The following INPP5D variants were observed in gnomAD, a reference collection of about 807,000 sequenced individuals.
INPP5D encodes phosphatidylinositol 3,4,5-trisphosphate 5-phosphatase 1.
INPP5D carries 33 observed loss-of-function variants against 122.9 expected under a neutral mutation model. That is an observed-to-expected ratio of 0.27 (90% CI 0.20 to 0.36). The LOEUF (loss-of-function observed/expected upper bound fraction) is 0.36. INPP5D is among the 10% of genes least tolerant of loss of function. INPP5D has a pLI of 1.00. For synonymous variants in INPP5D, 584 were observed against 576.2 expected, an observed-to-expected ratio of 1.01 and a Z score of -0.19; for missense variants, 1,053 against 1,412.7, an observed-to-expected ratio of 0.75 and a Z score of 4.08.
chr2:233,103,554 C>T (rs974848164), intron 2 of INPP5D, among the ~76,000 whole-genome samples: 5 of 152,048 alleles, frequency 3.3e-5, no homozygotes, highest in Admixed American at 6.6e-5. Context: ...AGTCCAGGAG[C>T]GTAGAACTTA....
intron 8 of INPP5D, among the ~76,000 whole-genome samples, chr2:233,146,812 A>G (rs1693772736): frequency 1.3e-5 from 2 of 152,306 alleles, no homozygotes; most frequent in South Asian, 4.1e-4. Flanking sequence ...TGTGATTTCC[A>G]TGAGAATGAC....
intron 3 of INPP5D, among the ~76,000 whole-genome samples, chr2:233,123,496 G>T (rs894491524): frequency 6.6e-6 from 1 of 151,824 alleles, no homozygotes; most frequent in African/African-American, 2.4e-5. Flanking sequence ...AAGTGTGTGA[G>T]ACTAAGGGTG....
At position 233,177,845 on chromosome 2, in the gene INPP5D, G is replaced by A. The variant is rs1196819118; in HGVS notation, c.2071+499G>A. On this transcript the variant is annotated intron_variant, in intron 18 of 26. Transcript: ENST00000445964. This position sits in a 1 kb window ranked among gnomAD's most constrained non-coding sequence, Gnocchi z 4.2. The stretch of plus-strand genomic sequence containing the variant: ...CCACCTCGGCCTCCCAAAGTGCTGA[G>A]ATTACAGGCATGAGCCACCGCGGCC... Among the ~76,000 whole-genome samples, 1 of 152,158 alleles carries A rather than the reference G, an allele frequency of 6.6e-6. No homozygotes were observed. The highest frequency in any genetic ancestry group is 1.9e-4 in the East Asian group (1 of 5,188).
At chr2:233,062,012 C>T (rs1691090185) in intron 1 of INPP5D, among the ~76,000 whole-genome samples, 1 of 152,246 alleles carries the variant, frequency 6.6e-6, no homozygotes, top group Admixed American at 6.5e-5. Flanking sequence ...TCCCCTCTCT[C>T]ATGCCTCAGG....
At chr2:233,094,508 AT>A (rs1692077354) in intron 2 of INPP5D, among the ~76,000 whole-genome samples, 1 of 118,316 alleles carries the variant, frequency 8.5e-6, no homozygotes, top group Non-Finnish European at 1.7e-5. Context: ...GCAAGACTCC[AT>A]CCCAAAAAAA....
chr2:233,083,598 G>A (rs1304756625), intron 2 of INPP5D, among the ~76,000 whole-genome samples: 3 of 152,142 alleles, frequency 2.0e-5, no homozygotes, highest in African/African-American at 7.2e-5. Flanking sequence ...TTCTTGACTT[G>A]GAAAGGGAAG....
intron 2 of INPP5D, among the ~76,000 whole-genome samples, chr2:233,111,365 C>CAT (rs1488630539): frequency 6.6e-6 from 1 of 152,138 alleles, no homozygotes; most frequent in African/African-American, 2.4e-5. Flanking sequence ...CACACACACA[C>CAT]GCACACACAC....
intron 1 of INPP5D, among the ~76,000 whole-genome samples, chr2:233,065,925 G>T (rs990352685): frequency 6.6e-6 from 1 of 151,060 alleles, no homozygotes; most frequent in East Asian, 1.9e-4. Flanking sequence ...GATTACAGGT[G>T]TGAGCCACCG....
At chr2:233,065,623 CTTTCTTTCTTTCTTTCTTTCTTTCTTTCT>C (rs1409795696) in intron 1 of INPP5D, among the ~76,000 whole-genome samples, 120 of 7,408 alleles carry the variant, frequency 0.016, 41 homozygotes, top group African/African-American at 0.094. Context: ...TTCTTTCTTT[CTTTCTTTCTTTCTTTCTTTCTTTCTTTCT>C]TTTTTTTTTT....
chr2:233,122,387 T>A lies in INPP5D; in HGVS notation c.349+130T>A, dbSNP rs180913766. The stretch of plus-strand genomic sequence containing the variant: ...GTTGGCGTGGGGGTTAAGGACAAGT[T>A]AGGAACACAGGCTCTCTGGTCAGGC... On this transcript the variant is annotated intron_variant, in intron 3 of 26. Coordinates refer to ENST00000445964, the MANE Select transcript of INPP5D (RefSeq NM_001017915.3). 7.8e-4 allele frequency: 753 copies of A among 961,606 alleles called. 3 individuals are homozygous for A. The highest frequency in any genetic ancestry group is 4.8e-3 in the East Asian group (179 of 37,632). 59.6% of individuals were successfully genotyped at this position (961,606 alleles called of 1,614,324 possible). A position where few individuals can be genotyped will look rare whatever the true frequency, so the allele number is the denominator to read the frequency against.
chr2:233,162,226 GGAGAGAGACAGA>G (rs1559327053), intron 11 of INPP5D, among the ~76,000 whole-genome samples: 1 of 69,634 alleles, frequency 1.4e-5, no homozygotes, highest in Non-Finnish European at 5.4e-5. Context: ...AGATTTATCA[GGAGAGAGACAGA>G]GAGAGACAGA....
intron 19 of INPP5D, among the ~76,000 whole-genome samples, chr2:233,184,110 G>GT (rs1246046301): frequency 6.6e-6 from 1 of 152,190 alleles, no homozygotes; most frequent in Non-Finnish European, 1.5e-5. Context: ...GCCTGAAATA[G>GT]TGGGGGTATT....
At chr2:233,169,985 C>T in intron 14 of INPP5D, 41 bp from the exon 15 acceptor site, 1 of 1,612,926 alleles carries the variant, frequency 6.2e-7, no homozygotes, top group Non-Finnish European at 8.5e-7. Flanking sequence ...GAGGGGGAAC[C>T]AGTGACCCCG....
Position 233,188,963 on chromosome 2 carries a change from G to A in INPP5D, c.2359-887G>A, listed in dbSNP as rs977948158. Among the ~76,000 whole-genome samples, 4 of 152,218 alleles carry A rather than the reference G, an allele frequency of 2.6e-5. No homozygotes were observed. The highest frequency in any genetic ancestry group is 7.2e-5 in the African/African-American group (3 of 41,458). On this transcript the variant is annotated intron_variant, in intron 21 of 26. Transcript: ENST00000445964. This position sits in a 1 kb window ranked among gnomAD's most constrained non-coding sequence, Gnocchi z 4.7. ...CTTTTGGTGTCTGGAAAGGAAGGGA[G>A]GGAATCGCCTAGAACAAAGTATCAC...
rs554936247 is a variant in INPP5D, at chr2:233,170,863, G to A, written c.1901-201G>A. On this transcript the variant is annotated intron_variant, in intron 16 of 26. Transcript: ENST00000445964. The surrounding 1 kb of genome is among the most constrained non-coding windows in gnomAD (Gnocchi z 4.5). ...AGAGCTTGCAGTGAGCCAAGATCGC[G>A]CCACTGCACTCCAGCCTGGCCAACA... Among the ~76,000 whole-genome samples, 27 of 144,166 alleles carry A rather than the reference G, an allele frequency of 1.9e-4. No individual in the cohort carries two copies. Among genetic ancestry groups the A allele is most frequent in the Middle Eastern group, 7.6e-3 (2 of 262 alleles). 94.6% of individuals were successfully genotyped at this position (144,166 alleles called of 152,430 possible). A position where few individuals can be genotyped will look rare whatever the true frequency, so the allele number is the denominator to read the frequency against.
intron 1 of INPP5D, among the ~76,000 whole-genome samples, chr2:233,065,607 CTT>C (rs1691196191): frequency 1.9e-3 from 14 of 7,280 alleles, no homozygotes; most frequent in East Asian, 6.8e-3. Context: ...TTCTTTCTTT[CTT>C]TCTTTCTTTC....
Position 233,170,900 on chromosome 2 carries a change from C to T in INPP5D, c.1901-164C>T, listed in dbSNP as rs1694478002. Among the ~76,000 whole-genome samples the T allele has an allele frequency of 1.2e-5, 1 of 81,456 alleles. No homozygotes were observed. Among genetic ancestry groups the T allele is most frequent in the Non-Finnish European group, 3.0e-5 (1 of 33,690 alleles). 53.4% of individuals were successfully genotyped at this position (81,456 alleles called of 152,430 possible). A position where few individuals can be genotyped will look rare whatever the true frequency, so the allele number is the denominator to read the frequency against. On this transcript the variant is annotated intron_variant, in intron 16 of 26. Transcript: ENST00000445964. This position sits in a 1 kb window ranked among gnomAD's most constrained non-coding sequence, Gnocchi z 4.5. ...CAGCCTGGCCAACAAAGACAGACTC[C>T]GTCTCAAAAAAAAAAAAAAAAAAAG...
chr2:233,086,171 TTC>T (rs1691838369), intron 2 of INPP5D, among the ~76,000 whole-genome samples: 1 of 149,886 alleles, frequency 6.7e-6, no homozygotes, highest in African/African-American at 2.5e-5. Flanking sequence ...CTTTCTTTCT[TTC>T]TTTCTTTCTT....
intron 5 of INPP5D, chr2:233,134,018 C>T (rs1279076700): frequency 2.2e-6 from 1 of 456,036 alleles, no homozygotes; most frequent in Non-Finnish European, 4.4e-6. Flanking sequence ...GACACGTGTG[C>T]ATGGCAAAGG....
Sources: allele counts gnomAD v4.1 joint callset (sites outside exome capture counted in the v4.1 genomes callset), GRCh38; gene constraint gnomAD v4.1.1; non-coding constraint Gnocchi (gnomAD v3.1); transcripts MANE v1.5; gene names NCBI Gene and HGNC (gene_info 2026-07-23, HGNC 2026-07-21).